NBEAL2: variants seen among roughly 807,000 people sequenced by gnomAD.
NBEAL2 encodes neurobeachin-like protein 2.
A neutral mutation model predicts 299.8 loss-of-function variants in NBEAL2; 160 were observed. The observed-to-expected ratio is 0.53, with a 90% CI of 0.47 to 0.61. The LOEUF is 0.61. Ranked by LOEUF, NBEAL2 falls within the 20% of genes least tolerant of loss-of-function variation. NBEAL2 has a pLI of 0.00. For missense variants in NBEAL2, 3,112 were observed against 3,649.0 expected (o/e 0.85, Z 3.79); for synonymous variants, 1,493 against 1,542.3 (o/e 0.97, Z 0.75).
Position 46,995,129 on chromosome 3 carries a change from C to A in NBEAL2, c.1394C>A (p.Ala465Asp). The A allele has an allele frequency of 6.3e-7, 1 of 1,575,442 alleles. No individual in the cohort carries two copies. The highest frequency in any genetic ancestry group is 1.3e-5 in the African/African-American group (1 of 74,118). Reference sequence around the variant, plus strand: ...CAGTGGCTGCCGTCATTGCCCACCGCTGAGCTGCGGCTCTTCCTAGCGCAA... The same window carrying A: ...CAGTGGCTGCCGTCATTGCCCACCGATGAGCTGCGGCTCTTCCTAGCGCAA... ...LAQWLPSLPT[A>D]ELRLFLAQRL... Residue 465 changes from alanine (A) to aspartate (D), a missense_variant, in exon 13 of 54, where the codon GCT (alanine) becomes GAT (aspartate). Ala to Asp is a moderately radical substitution (Grantham distance 126, BLOSUM62 -2). This residue lies in a region of NBEAL2 where 2,243 missense variants were observed against 2,538.1 expected (regional missense o/e 0.88). Coordinates refer to ENST00000450053, the MANE Select transcript of NBEAL2 (RefSeq NM_015175.3).
Position 46,995,106 on chromosome 3 carries a change from G to A in NBEAL2, c.1371G>A (p.Gln457=), listed in dbSNP as rs1371759729. The A allele has an allele frequency of 1.3e-6, 2 of 1,572,326 alleles. No homozygotes were observed. The highest frequency in any genetic ancestry group is 1.7e-4 in the Middle Eastern group (1 of 6,022). ...RNEQPVLVLA[Q]WLPSLPTAEL... The stretch of plus-strand genomic sequence containing the variant: ...AGCAGCCGGTACTGGTGCTGGCGCA[G>A]TGGCTGCCGTCATTGCCCACCGCTG... The change falls in exon 13 of 54, where the codon CAG becomes CAA. Residue 457 remains glutamine (Q), a synonymous_variant. Transcript: ENST00000450053.
chr3:47,006,216 A>C lies in NBEAL2; in HGVS notation c.6971A>C (p.Glu2324Ala). Residue 2324 changes from glutamate (E) to alanine (A), a missense_variant, in exon 44 of 54, where the codon GAG (glutamate) becomes GCG (alanine). Glu to Ala is a moderately radical substitution (Grantham distance 107). This residue lies in a region of NBEAL2 where 521 missense variants were observed against 729.6 expected (regional missense o/e 0.71). Coordinates refer to ENST00000450053, the MANE Select transcript of NBEAL2 (RefSeq NM_015175.3). ...GATGAGCGGGAACGGAAGGCTCTGG[A>C]GGGCATTATCAGCAACTTTGGGCAG... is the stretch of plus-strand genomic sequence containing the variant. ...VTDERERKAL[E>A]GIISNFGQTP... 1 of 1,613,916 alleles carries C rather than the reference A, an allele frequency of 6.2e-7. No homozygotes were observed. The highest frequency in any genetic ancestry group is 8.5e-7 in the Non-Finnish European group (1 of 1,179,876).
At chr3:47,002,849 G>A in intron 33 of NBEAL2, 47 bp downstream of exon 33, 1 of 1,506,016 alleles carries the variant, frequency 6.6e-7, no homozygotes. Flanking sequence ...TGGGGCTTGG[G>A]AGGGAGGGAG....
rs779436309 is a variant in NBEAL2 at position 47,003,906 on chromosome 3, G to A, written c.5811G>A (p.Gly1937=). 3 of 1,613,778 alleles carry A rather than the reference G, an allele frequency of 1.9e-6. No homozygotes were observed. In the South Asian group the frequency reaches 3.3e-5, roughly 18 times the overall value. The change falls in exon 36 of 54, where the codon GGG becomes GGA. Residue 1937 remains glycine, a synonymous_variant. Coordinates refer to ENST00000450053, the MANE Select transcript of NBEAL2 (RefSeq NM_015175.3). The surrounding 1 kb of genome is among the most constrained non-coding windows in gnomAD (Gnocchi z 7.0). ...QLVTVVAVVP[G]LLEVTTQNVY... The stretch of plus-strand genomic sequence containing the variant: ...TGACGGTAGTGGCCGTGGTCCCAGG[G>A]CTGCTGGAGGTCACCACACAGAATG...
rs1172971425 is a variant in NBEAL2 at position 46,983,066 on chromosome 3, G to A, written c.51+3154G>A. Among the ~76,000 whole-genome samples, 6 of 152,304 alleles carry A rather than the reference G, an allele frequency of 3.9e-5. No homozygotes were observed. The East Asian group carries it at 1.2e-3, about 29-fold the overall frequency. ...AGTGAGGGGGCACTGAATGTGGAAG[G>A]GCACTCAGGGTCACAAAGTTCAGGG... On this transcript the variant is annotated intron_variant, in intron 1 of 53. Transcript: ENST00000450053.
chr3:47,006,320 C>T lies in NBEAL2; in HGVS notation c.7018-13C>T. On this transcript the variant is annotated splice_polypyrimidine_tract_variant and intron_variant, in intron 44 of 53. Coordinates refer to ENST00000450053, the MANE Select transcript of NBEAL2 (RefSeq NM_015175.3). The stretch of plus-strand genomic sequence containing the variant: ...TGCCCATGCCATGGTGCTGACCAGC[C>T]ACTTACCCACAGGAGCCACATCCAA... 6.2e-7 allele frequency: 1 copy of T among 1,600,120 alleles called. No individual in the cohort carries two copies. Among genetic ancestry groups the T allele is most frequent in the Non-Finnish European group, 8.5e-7 (1 of 1,173,948 alleles).
At position 47,008,329 on chromosome 3, in the gene NBEAL2, C is replaced by T. The variant is rs953245660; in HGVS notation, c.7766C>T (p.Ala2589Val). ...IHTVRRGQFV[A>V]ALRPLGATFP... ...ACTGTACGCCGCGGACAGTTTGTAG[C>T]GGCACTACGGCCTCTGGGTGCCACA... is the stretch of plus-strand genomic sequence containing the variant. The change falls in exon 51 of 54, where the codon GCG becomes GTG. Residue 2589 changes from alanine to valine, a missense_variant. Physicochemically the swap from Ala to Val is moderately conservative, Grantham distance 64. Transcript: ENST00000450053. 5.0e-6 allele frequency: 8 copies of T among 1,613,070 alleles called. No individual in the cohort carries two copies. The highest frequency in any genetic ancestry group is 1.1e-5 in the South Asian group (1 of 90,908).
At position 46,998,065 on chromosome 3, in the gene NBEAL2, AG is replaced by A; in HGVS notation, c.2959del. On this transcript the variant is annotated splice_acceptor_variant, in intron 20 of 53. Transcript: ENST00000450053. LOFTEE classifies it high-confidence loss of function. ...CTCACTCCAGCTCCTGTCTTATCCCAGGTCCCAAGCTGGGCCATGGACATGA... is the reference window on the plus strand; with the variant it reads ...CTCACTCCAGCTCCTGTCTTATCCCAGTCCCAAGCTGGGCCATGGACATGA... 6.4e-7 allele frequency: 1 copy of A among 1,563,898 alleles called. No individual in the cohort carries two copies.
Position 46,999,321 on chromosome 3 carries a change from C to T in NBEAL2, c.3550C>T (p.Arg1184Cys), listed in dbSNP as rs528499524. ...LLPDRVCKIL[R>C]RLQQNERLPE... ...TCCGATGACCCCCACACAGATCCTGCGCAGACTGCAGCAGAATGAGCGGCT... is the reference window on the plus strand; with the variant it reads ...TCCGATGACCCCCACACAGATCCTGTGCAGACTGCAGCAGAATGAGCGGCT... The change falls in exon 25 of 54, where the codon CGC (arginine) becomes TGC (cysteine). Residue 1184 changes from arginine to cysteine, a missense_variant. Around this residue, in one of 3 missense-constraint regions of NBEAL2, gnomAD observed 2,243 missense variants for 2,538.1 expected, o/e 0.88. Coordinates refer to ENST00000450053, the MANE Select transcript of NBEAL2 (RefSeq NM_015175.3). 5.5e-5 allele frequency: 89 copies of T among 1,608,892 alleles called. No homozygotes were observed. Among genetic ancestry groups the T allele is most frequent in the Admixed American group, 1.2e-4 (7 of 59,484 alleles).
rs771829573 is a variant in NBEAL2, at chr3:47,005,770, G to A, written c.6724G>A (p.Glu2242Lys). 11 of 1,613,184 alleles carry A rather than the reference G, an allele frequency of 6.8e-6. No individual in the cohort carries two copies. Among genetic ancestry groups the A allele is most frequent in the African/African-American group, 2.7e-5 (2 of 74,904 alleles). ...CCTGGGCTGTCTCCAGCTGACCAAC[G>A]AGAAGGTAGGCGATGTGGTGCTACC... is the stretch of plus-strand genomic sequence containing the variant. ...FDLGCLQLTN[E>K]KVGDVVLPPW... The change falls in exon 42 of 54, where the codon GAG (glutamate) becomes AAG (lysine). Residue 2242 changes from glutamate (E) to lysine (K), a missense_variant. Physicochemically the swap from Glu to Lys is moderately conservative, Grantham distance 56. Coordinates refer to ENST00000450053, the MANE Select transcript of NBEAL2 (RefSeq NM_015175.3).
chr3:47,009,500 C>G lies in NBEAL2; in HGVS notation c.*180C>G. On this transcript the variant is annotated 3_prime_UTR_variant, in exon 54 of 54. Transcript: ENST00000450053. The stretch of plus-strand genomic sequence containing the variant: ...CCTCAGGGATTGGCGGGCGGAAGTC[C>G]CGCCCCTCGCCGGCTGAGGGGCCGC... 1 of 647,592 alleles carries G rather than the reference C, an allele frequency of 1.5e-6. No homozygotes were observed. Among genetic ancestry groups the G allele is most frequent in the Admixed American group, 2.9e-5 (1 of 34,772 alleles). 40.1% of individuals were successfully genotyped at this position (647,592 alleles called of 1,614,324 possible).
Position 46,994,528 on chromosome 3 carries a change from G to T in NBEAL2, c.1271G>T (p.Arg424Leu), listed in dbSNP as rs768145657. Residue 424 changes from arginine (R) to leucine (L), a missense_variant, in exon 12 of 54, where the codon CGG (arginine) becomes CTG (leucine). By Grantham distance (102) the Arg-to-Leu change is moderately radical. This residue lies in a region of NBEAL2 where 2,243 missense variants were observed against 2,538.1 expected (regional missense o/e 0.88). Transcript: ENST00000450053. ...VLQSHGPPTH[R>L]LLQELLNMAV... ...CAGAGCCATGGTCCCCCCACCCATC[G>T]GCTGTTGCAAGAGCTGCTCAACATG... 2.5e-6 allele frequency: 4 copies of T among 1,588,490 alleles called. No homozygotes were observed. The East Asian group carries it at 9.1e-5, about 36-fold the overall frequency.
Position 47,006,146 on chromosome 3 carries a change from G to T in NBEAL2, c.6920-19G>T. ...AGAGGGCACGCAGGGAGCCCTGACT[G>T]CTCTGCCTGCCTTCCCAGGGGCTGT... On this transcript the variant is annotated intron_variant, in intron 43 of 53. Transcript: ENST00000450053. 6.2e-7 allele frequency: 1 copy of T among 1,613,688 alleles called. No homozygotes were observed. Among genetic ancestry groups the T allele is most frequent in the Non-Finnish European group, 8.5e-7 (1 of 1,179,806 alleles).
chr3:46,999,088 C>G lies in NBEAL2; in HGVS notation c.3514C>G (p.Leu1172Val). The G allele has an allele frequency of 1.3e-6, 2 of 1,585,884 alleles. No homozygotes were observed. The highest frequency in any genetic ancestry group is 1.2e-5 in the South Asian group (1 of 86,722). The change falls in exon 24 of 54, where the codon CTG becomes GTG. Residue 1172 changes from leucine to valine, a missense_variant. Physicochemically the swap from Leu to Val is conservative, Grantham distance 32 (BLOSUM62 1). Coordinates refer to ENST00000450053, the MANE Select transcript of NBEAL2 (RefSeq NM_015175.3). ...LLALLVRPGS[L>V]PLLPDRVCKI... is the part of the protein sequence containing the mutation. ...GGCCCTGCTAGTGCGGCCAGGGTCA[C>G]TGCCCCTGCTGCCCGATCGAGTCTG...
Position 46,998,965 on chromosome 3 carries a change from G to A in NBEAL2, c.3391G>A (p.Gly1131Ser). The change falls in exon 24 of 54, where the codon GGT (glycine) becomes AGT (serine). Residue 1131 changes from glycine (G) to serine (S), a missense_variant. Transcript: ENST00000450053. ...TGAGACCCTGCATCCCCAGGCGGTG[G>A]GTGCGCTGGACCTGCTGCTGGCCCT... ...AATGDDGQAV[G>S]ALDLLLALLH... 6.2e-7 allele frequency: 1 copy of A among 1,606,944 alleles called. No homozygotes were observed.
In NBEAL2 at chr3:46,995,781, G is replaced by C. The variant is rs2036451811; in HGVS notation, c.1966G>C (p.Val656Leu). The change falls in exon 14 of 54, where the codon GTG (valine) becomes CTG (leucine). Residue 656 changes from valine (V) to leucine (L), a missense_variant. Physicochemically the swap from Val to Leu is conservative, Grantham distance 32. This residue lies in a region of NBEAL2 where 2,243 missense variants were observed against 2,538.1 expected (regional missense o/e 0.88). Coordinates refer to ENST00000450053, the MANE Select transcript of NBEAL2 (RefSeq NM_015175.3). ...FTAAGTLVVA[V>L]CTRKEYLTMS... The stretch of plus-strand genomic sequence containing the variant: ...GGCGGCCGGGACCCTGGTGGTGGCT[G>C]TGTGCACACGGAAGGAGTATTTGAC... 1 of 1,613,834 alleles carries C rather than the reference G, an allele frequency of 6.2e-7. No homozygotes were observed. The highest frequency in any genetic ancestry group is 8.5e-7 in the Non-Finnish European group (1 of 1,179,888).
rs1158848144 is a variant in NBEAL2 at position 47,005,960 on chromosome 3, G to A, written c.6816G>A (p.Val2272=). 1 of 1,613,708 alleles carries A rather than the reference G, an allele frequency of 6.2e-7. No homozygotes were observed. The highest frequency in any genetic ancestry group is 1.1e-5 in the South Asian group (1 of 91,088). The change falls in exon 43 of 54, where the codon GTG becomes GTA. Residue 2272 remains valine (V), a synonymous_variant. Coordinates refer to ENST00000450053, the MANE Select transcript of NBEAL2 (RefSeq NM_015175.3). ...QHRQALESEY[V]SAHLHEWIDL... The stretch of plus-strand genomic sequence containing the variant: ...CCTACTCTCAGGAGTCGGAGTATGT[G>A]TCTGCACACCTACACGAGTGGATCG...
Position 47,000,355 on chromosome 3 carries a change from C to G in NBEAL2, c.4256C>G (p.Pro1419Arg), listed in dbSNP as rs779579929. 2 of 1,598,506 alleles carry G rather than the reference C, an allele frequency of 1.3e-6. No homozygotes were observed. The highest frequency in any genetic ancestry group is 4.5e-5 in the East Asian group (2 of 44,626). Reference sequence around the variant, plus strand: ...AATGTGCTGGAGGACGGCAGCCTCCCGGAGCCCACCATTAGCGGGGATGAT... The same window carrying G: ...AATGTGCTGGAGGACGGCAGCCTCCGGGAGCCCACCATTAGCGGGGATGAT... ...LSNVLEDGSL[P>R]EPTISGDDTS... Residue 1419 changes from proline to arginine, a missense_variant, in exon 27 of 54, where the codon CCG (proline) becomes CGG (arginine). Physicochemically the swap from Pro to Arg is moderately radical, Grantham distance 103. This residue lies in a region of NBEAL2 where 2,243 missense variants were observed against 2,538.1 expected (regional missense o/e 0.88). Transcript: ENST00000450053. The surrounding 1 kb of genome is among the most constrained non-coding windows in gnomAD (Gnocchi z 4.5).
rs948605382 is a variant in NBEAL2 at position 47,000,046 on chromosome 3, C to A, written c.3947C>A (p.Ala1316Asp). 1.2e-6 allele frequency: 2 copies of A among 1,613,184 alleles called. No homozygotes were observed. Among genetic ancestry groups the A allele is most frequent in the African/African-American group, 2.7e-5 (2 of 74,884 alleles). ...SPESPTSPKP[A>D]PPKPPTESPA... ...GAGTCACCTACCTCCCCCAAGCCAG[C>A]CCCACCCAAGCCACCCACTGAGTCA... The change falls in exon 27 of 54, where the codon GCC becomes GAC. Residue 1316 changes from alanine to aspartate, a missense_variant. Coordinates refer to ENST00000450053, the MANE Select transcript of NBEAL2 (RefSeq NM_015175.3). The surrounding 1 kb of genome is among the most constrained non-coding windows in gnomAD (Gnocchi z 4.5).
Sources: gnomAD v4.1 joint callset for allele counts (sites outside exome capture counted in the v4.1 genomes callset) on GRCh38, gnomAD v4.1.1 for gene constraint, gnomAD v4.1.1 regional missense constraint, Gnocchi (gnomAD v3.1) non-coding constraint, MANE v1.5 for transcripts, NCBI Gene and HGNC (gene_info 2026-07-23, HGNC 2026-07-21) for gene names.